C16orf95: variants seen among roughly 807,000 people sequenced by gnomAD.
The protein encoded by C16orf95 is uncharacterized protein C16orf95.
A neutral mutation model predicts 32.1 loss-of-function variants in C16orf95; 41 were observed. That is an observed-to-expected ratio of 1.28 (90% CI 1.00 to 1.66). C16orf95 has a LOEUF of 1.66. Ranked by LOEUF, C16orf95 falls within the 40% of genes most tolerant of loss-of-function variation. C16orf95 has a pLI of 0.00. For missense variants in C16orf95, 399 were observed against 325.9 expected (o/e 1.22, Z -1.73); for synonymous variants, 147 against 128.9 (o/e 1.14, Z -0.95).
chr16:87,312,568 CAAAAAAAA>C (rs71389850), intron 3 of C16orf95, among the ~76,000 whole-genome samples: 1 of 86,070 alleles, frequency 1.2e-5, no homozygotes, highest in African/African-American at 5.2e-5. Flanking sequence ...GACTCCATCT[CAAAAAAAA>C]AAAAAAAAAA....
intron 5 of C16orf95, among the ~76,000 whole-genome samples, chr16:87,307,487 G>A (rs144302076): frequency 7.9e-4 from 120 of 152,268 alleles, no homozygotes; most frequent in Non-Finnish European, 1.4e-3. Flanking sequence ...GGCCAGGCAC[G>A]GTGGCTCACG....
At chr16:87,307,483 G>A (rs576998992) in intron 5 of C16orf95, among the ~76,000 whole-genome samples, 10 of 152,286 alleles carry the variant, frequency 6.6e-5, no homozygotes, top group African/African-American at 2.4e-4. Context: ...AATAGGCCAG[G>A]CACGGTGGCT....
At position 87,317,352 on chromosome 16, in the gene C16orf95, A is replaced by G. The variant is rs1904399801; in HGVS notation, c.-110T>C. Reference sequence around the variant, plus strand: ...CCAGGAGGAACCCAACCCGAGCTCAACCCCAGCCCCAACCTCAACCGCTCA... The same window carrying G: ...CCAGGAGGAACCCAACCCGAGCTCAGCCCCAGCCCCAACCTCAACCGCTCA... On this transcript the variant is annotated 5_prime_UTR_variant, in exon 1 of 7. Transcript: ENST00000567970. The G allele has an allele frequency of 2.9e-5, 41 of 1,410,120 alleles. No individual in the cohort carries two copies. Among genetic ancestry groups the G allele is most frequent in the Non-Finnish European group, 3.6e-5 (39 of 1,083,510 alleles). 87.4% of individuals were successfully genotyped at this position (1,410,120 alleles called of 1,614,324 possible).
At position 87,302,960 on chromosome 16, in the gene C16orf95, C is replaced by G; in HGVS notation, c.*97G>C. On this transcript the variant is annotated 3_prime_UTR_variant, in exon 7 of 7. Coordinates refer to ENST00000567970, the MANE Select transcript of C16orf95 (RefSeq NM_001195124.3). ...TGTGGATTCTGTTCTGAGAAGACAG[C>G]GACTGTCACAGACGCCTCCTGATTG... 1 of 1,245,118 alleles carries G rather than the reference C, an allele frequency of 8.0e-7. No individual in the cohort carries two copies. The highest frequency in any genetic ancestry group is 2.0e-5 in the Admixed American group (1 of 50,578). The allele number at this position is 1,245,118 out of a possible 1,614,324, so 77.1% of individuals were successfully genotyped here.
Position 87,305,164 on chromosome 16 carries a change from G to C in C16orf95, c.701+555C>G, listed in dbSNP as rs1314343332. Among the ~76,000 whole-genome samples, 2 of 152,184 alleles carry C rather than the reference G, an allele frequency of 1.3e-5. No individual in the cohort carries two copies. Among genetic ancestry groups the C allele is most frequent in the African/African-American group, 4.8e-5 (2 of 41,456 alleles). ...GGGGAGTGGCCCCGGAGGCTTCCTG[G>C]GGGAGGTATCCCAGCAGAAAGCCAT... is the stretch of plus-strand genomic sequence containing the variant. On this transcript the variant is annotated intron_variant, in intron 6 of 6. Coordinates refer to ENST00000567970, the MANE Select transcript of C16orf95 (RefSeq NM_001195124.3). This position sits in a 1 kb window ranked among gnomAD's most constrained non-coding sequence, Gnocchi z 4.2.
chr16:87,302,943 C>T lies in C16orf95; in HGVS notation c.*114G>A. The T allele has an allele frequency of 9.1e-7, 1 of 1,103,642 alleles. No individual in the cohort carries two copies. Among genetic ancestry groups the T allele is most frequent in the South Asian group, 1.3e-5 (1 of 74,820 alleles). The allele number at this position is 1,103,642 out of a possible 1,614,324, so 68.4% of individuals were successfully genotyped here. On this transcript the variant is annotated 3_prime_UTR_variant, in exon 7 of 7. Transcript: ENST00000567970. ...TTGGGTTGAATCCTGGGTGTGGATT[C>T]TGTTCTGAGAAGACAGCGACTGTCA... is the stretch of plus-strand genomic sequence containing the variant.
chr16:87,317,229 C>T lies in C16orf95; in HGVS notation c.14G>A (p.Arg5Gln), dbSNP rs1345110402. MRAS[R>Q]SPPSPRRCHH... ...ACAACGCCGCGGGGACGGTGGGGACCGGCTCGCACGCATATGGCTTCTTAT... is the reference window on the plus strand; with the variant it reads ...ACAACGCCGCGGGGACGGTGGGGACTGGCTCGCACGCATATGGCTTCTTAT... The change falls in exon 1 of 7, where the codon CGG becomes CAG. Residue 5 changes from arginine (R) to glutamine (Q), a missense_variant. Coordinates refer to ENST00000567970, the MANE Select transcript of C16orf95 (RefSeq NM_001195124.3). The T allele has an allele frequency of 3.9e-6, 6 of 1,527,210 alleles. No individual in the cohort carries two copies. The highest frequency in any genetic ancestry group is 5.3e-6 in the Non-Finnish European group (6 of 1,142,328). 94.6% of individuals were successfully genotyped at this position (1,527,210 alleles called of 1,614,324 possible).
intron 5 of C16orf95, among the ~76,000 whole-genome samples, chr16:87,310,081 T>C (rs567280266): frequency 1.3e-5 from 2 of 152,308 alleles, no homozygotes; most frequent in African/African-American, 4.8e-5. Flanking sequence ...GGGTAGGGTC[T>C]GCCTGTAGAG....
Position 87,302,936 on chromosome 16 carries a change from G to A in C16orf95, c.*121C>T, listed in dbSNP as rs566762685. The A allele has an allele frequency of 2.1e-4, 209 of 1,018,126 alleles. No individual in the cohort carries two copies. The South Asian group carries it at 2.7e-3, about 13-fold the overall frequency. The allele number at this position is 1,018,126 out of a possible 1,614,324, so 63.1% of individuals were successfully genotyped here. A position where few individuals can be genotyped will look rare whatever the true frequency, so the allele number is the denominator to read the frequency against. ...AAATCATTTGGGTTGAATCCTGGGTGTGGATTCTGTTCTGAGAAGACAGCG... is the reference window on the plus strand; with the variant it reads ...AAATCATTTGGGTTGAATCCTGGGTATGGATTCTGTTCTGAGAAGACAGCG... On this transcript the variant is annotated 3_prime_UTR_variant, in exon 7 of 7. Coordinates refer to ENST00000567970, the MANE Select transcript of C16orf95 (RefSeq NM_001195124.3).
At chr16:87,315,186 G>C in intron 2 of C16orf95, 90 bp from the exon 3 acceptor site, 4 of 1,332,592 alleles carry the variant, frequency 3.0e-6, no homozygotes, top group Non-Finnish European at 3.0e-6. Flanking sequence ...TCCGTGCTCA[G>C]GAAGATGGTG....
At chr16:87,308,794 T>C (rs1170418918) in intron 5 of C16orf95, among the ~76,000 whole-genome samples, 1 of 152,242 alleles carries the variant, frequency 6.6e-6, no homozygotes, top group East Asian at 1.9e-4. Context: ...GCTCTATTCT[T>C]GTCTGCAGCT....
At chr16:87,311,072 C>G in intron 4 of C16orf95, 78 bp downstream of exon 4, 1 of 1,330,180 alleles carries the variant, frequency 7.5e-7, no homozygotes, top group Non-Finnish European at 9.9e-7. Context: ...CCCTCTTCCC[C>G]TTCTTCCTCC....
chr16:87,313,361 A>C (rs1911369340), intron 3 of C16orf95, among the ~76,000 whole-genome samples: 1 of 152,250 alleles, frequency 6.6e-6, no homozygotes, highest in Non-Finnish European at 1.5e-5. Context: ...TCAGAAATAA[A>C]TTCATACATA....
In C16orf95 at chr16:87,305,894, C is replaced by A. The variant is rs774671500; in HGVS notation, c.526G>T (p.Asp176Tyr). ...SLKGIQAPLL[D>Y]ACCWHNCWRI... is the part of the protein sequence containing the mutation. ...CAGCAGTTGTGCCAGCAGCATGCATCCAGCAGGGGTGCTAGGCAAAGAAAA... is the reference window on the plus strand; with the variant it reads ...CAGCAGTTGTGCCAGCAGCATGCATACAGCAGGGGTGCTAGGCAAAGAAAA... The change falls in exon 6 of 7, where the codon GAT becomes TAT. Residue 176 changes from aspartate to tyrosine, a missense_variant. Physicochemically the swap from Asp to Tyr is radical, Grantham distance 160 (BLOSUM62 -3). Transcript: ENST00000567970. The surrounding 1 kb of genome is among the most constrained non-coding windows in gnomAD (Gnocchi z 4.2). 1 of 1,427,064 alleles carries A rather than the reference C, an allele frequency of 7.0e-7. No homozygotes were observed. Among genetic ancestry groups the A allele is most frequent in the Non-Finnish European group, 9.1e-7 (1 of 1,094,356 alleles). The allele number at this position is 1,427,064 out of a possible 1,614,324, so 88.4% of individuals were successfully genotyped here.
rs142125331 is a variant in C16orf95 at position 87,307,182 on chromosome 16, G to A, written c.515-1277C>T. On this transcript the variant is annotated intron_variant, in intron 5 of 6. Coordinates refer to ENST00000567970, the MANE Select transcript of C16orf95 (RefSeq NM_001195124.3). Reference sequence around the variant, plus strand: ...ACAAAGAGTTGGTGCACCAAGAGAAGGACATGATGCCAGCCCAGAAAACAC... The same window carrying A: ...ACAAAGAGTTGGTGCACCAAGAGAAAGACATGATGCCAGCCCAGAAAACAC... 1.7e-3 allele frequency among the ~76,000 whole-genome samples: 264 copies of A among 152,270 alleles called. 1 individual carries two copies. Among genetic ancestry groups the A allele is most frequent in the African/African-American group, 5.5e-3 (227 of 41,548 alleles).
rs1910972807 is a variant in C16orf95, at chr16:87,305,486, G to GCCCCACGAGGCCCCCGGCAC, written c.701+232_701+233insGTGCCGGGGGCCTCGTGGGG. ...TTGGGAAGAGGGAAGGGGTGGAAGTGCCCCACGAGGCCCCCGCCGCCCCCA... is the reference window on the plus strand; with the variant it reads ...TTGGGAAGAGGGAAGGGGTGGAAGTGCCCCACGAGGCCCCCGGCACCCCCACGAGGCCCCCGCCGCCCCCA... On this transcript the variant is annotated intron_variant, in intron 6 of 6. Coordinates refer to ENST00000567970, the MANE Select transcript of C16orf95 (RefSeq NM_001195124.3). The surrounding 1 kb of genome is among the most constrained non-coding windows in gnomAD (Gnocchi z 4.2). 7.4e-6 allele frequency among the ~76,000 whole-genome samples: 1 copy of GCCCCACGAGGCCCCCGGCAC among 135,300 alleles called. No individual in the cohort carries two copies. The highest frequency in any genetic ancestry group is 2.7e-5 in the African/African-American group (1 of 36,838). The allele number at this position is 135,300 out of a possible 152,430, so 88.8% of individuals were successfully genotyped here. A position where few individuals can be genotyped will look rare whatever the true frequency, so the allele number is the denominator to read the frequency against.
intron 5 of C16orf95, among the ~76,000 whole-genome samples, chr16:87,307,158 C>A (rs1420030138): frequency 6.6e-6 from 1 of 152,158 alleles, no homozygotes; most frequent in East Asian, 1.9e-4. Context: ...AAACTCACTA[C>A]AAAGAGTTGG....
At chr16:87,314,267 A>T (rs919700072) in intron 3 of C16orf95, among the ~76,000 whole-genome samples, 2 of 152,180 alleles carry the variant, frequency 1.3e-5, no homozygotes, top group Non-Finnish European at 2.9e-5. Context: ...AACAACCCAA[A>T]TGTCCTTCTG....
At chr16:87,312,418 A>T (rs1170606451) in intron 3 of C16orf95, among the ~76,000 whole-genome samples, 1 of 151,968 alleles carries the variant, frequency 6.6e-6, no homozygotes, top group African/African-American at 2.4e-5. Flanking sequence ...AAAATACAAA[A>T]ATTAGCCGGG....
Sources: allele counts gnomAD v4.1 joint callset (sites outside exome capture counted in the v4.1 genomes callset), GRCh38; gene constraint gnomAD v4.1.1; non-coding constraint Gnocchi (gnomAD v3.1); transcripts MANE v1.5; gene names NCBI Gene and HGNC (gene_info 2026-07-23, HGNC 2026-07-21).